The following ADNP variants were observed in gnomAD, a reference collection of about 807,000 sequenced individuals.
The protein encoded by ADNP is activity-dependent neuroprotector homeobox protein.
Under a neutral mutation model 84.9 loss-of-function variants are expected in ADNP, and 4 were observed. That is an observed-to-expected ratio of 0.05 (90% CI 0.02 to 0.11). The LOEUF is 0.11. Among genes scored for constraint, ADNP ranks in the 10% least tolerant of loss-of-function variants. The pLI, the probability that ADNP is intolerant of heterozygous loss-of-function variation, is 1.00. For missense variants in ADNP, 1,132 were observed against 1,326.0 expected, an observed-to-expected ratio of 0.85 and a Z score of 2.27; for synonymous variants, 554 against 468.1, an observed-to-expected ratio of 1.18 and a Z score of -2.37.
chr20:50,901,075 C>A (rs962161587), intron 5 of ADNP, among the ~76,000 whole-genome samples: 1 of 152,012 alleles, frequency 6.6e-6, no homozygotes, highest in Non-Finnish European at 1.5e-5. Flanking sequence ...GCAGTCAGTC[C>A]TTTGATGAAG....
Position 50,917,074 on chromosome 20 carries a change from T to C in ADNP, c.-90+11577A>G, listed in dbSNP as rs566347438. On this transcript the variant is annotated intron_variant, in intron 2 of 5. Coordinates refer to ENST00000621696, the MANE Select transcript of ADNP (RefSeq NM_001282531.3). ...CTGAGGTGAAGCAACTGCTTGCCCA[T>C]GAGCGAGCTGGGTCTTGAAGCCACC... Among the ~76,000 whole-genome samples, 4 of 152,312 alleles carry C rather than the reference T, an allele frequency of 2.6e-5. No individual in the cohort carries two copies. In the East Asian group the frequency reaches 7.7e-4, roughly 29 times the overall value.
intron 5 of ADNP, among the ~76,000 whole-genome samples, chr20:50,900,703 T>C (rs1258660258): frequency 1.3e-5 from 2 of 152,202 alleles, no homozygotes; most frequent in African/African-American, 2.4e-5. Context: ...AATTAGACAA[T>C]TACAAGAGAT....
intron 2 of ADNP, among the ~76,000 whole-genome samples, chr20:50,917,787 A>G (rs1038756914): frequency 2.0e-5 from 3 of 152,256 alleles, no homozygotes; most frequent in African/African-American, 7.2e-5. Flanking sequence ...AGTATTATTC[A>G]TAATACCCCC....
chr20:50,893,858 TTGG>T lies in ADNP; in HGVS notation c.853_855del (p.Pro285del), dbSNP rs1212724885. ...TTTCCAGAAGCAAGGGAACCGATCCTTGGTGGGAGTCCCATGCTCTTCTTGTCT... is the reference window on the plus strand; with the variant it reads ...TTTCCAGAAGCAAGGGAACCGATCCTTGGGAGTCCCATGCTCTTCTTGTCT... On this transcript the variant is annotated inframe_deletion, in exon 6 of 6. Transcript: ENST00000621696. The surrounding 1 kb of genome is among the most constrained non-coding windows in gnomAD (Gnocchi z 4.4). 6.2e-7 allele frequency: 1 copy of T among 1,614,210 alleles called. No homozygotes were observed. The highest frequency in any genetic ancestry group is 8.5e-7 in the Non-Finnish European group (1 of 1,180,030).
chr20:50,903,435 C>T (rs926987111), intron 4 of ADNP, among the ~76,000 whole-genome samples: 7 of 152,152 alleles, frequency 4.6e-5, no homozygotes, highest in Admixed American at 6.5e-5. Flanking sequence ...CACACAAGCA[C>T]GCCTCAACAA....
At chr20:50,894,876 G>A (rs60939757) in intron 5 of ADNP, among the ~76,000 whole-genome samples, 6,719 of 152,140 alleles carry the variant, frequency 0.044, 508 homozygotes, top group African/African-American at 0.15. Context: ...CAGCCTGGGC[G>A]ACAAGAGCGA....
At chr20:50,922,384 A>T (rs2870024) in intron 2 of ADNP, among the ~76,000 whole-genome samples, 13,774 of 151,956 alleles carry the variant, frequency 0.091, 683 homozygotes, top group Middle Eastern at 0.13. Context: ...GGTTCCCAAG[A>T]CCCCCTCCTT....
At chr20:50,906,936 G>A (rs1982532125) in intron 2 of ADNP, among the ~76,000 whole-genome samples, 1 of 139,874 alleles carries the variant, frequency 7.1e-6, no homozygotes, top group Admixed American at 7.1e-5. Flanking sequence ...GGAGAAATCT[G>A]TATTTTTTTT....
rs1409209922 is a variant in ADNP at position 50,890,233 on chromosome 20, C to CACAAGTTTCCTCTGTGACTGTGGCTG, written c.*1146_*1171dup. The CACAAGTTTCCTCTGTGACTGTGGCTG allele has an allele frequency of 2.3e-4, 47 of 206,980 alleles. No individual in the cohort carries two copies. Among genetic ancestry groups the CACAAGTTTCCTCTGTGACTGTGGCTG allele is most frequent in the East Asian group, 1.0e-3 (11 of 10,512 alleles). 12.8% of individuals were successfully genotyped at this position (206,980 alleles called of 1,614,324 possible). ...TGCAGATGACAGATCTTGGGTTTTCCACAAGTTTCCTCTGTGACTGTGGCT... is the reference window on the plus strand; with the variant it reads ...TGCAGATGACAGATCTTGGGTTTTCCACAAGTTTCCTCTGTGACTGTGGCTGACAAGTTTCCTCTGTGACTGTGGCT... On this transcript the variant is annotated 3_prime_UTR_variant, in exon 6 of 6. Transcript: ENST00000621696.
In ADNP at chr20:50,893,169, T is replaced by A; in HGVS notation, c.1545A>T (p.Pro515=). ...NHMLIHGLSC[P]YCRSTFNDVE... ...CATCATTGAAAGTTGAACGGCAATA[T>A]GGACAAGACAGACCATGAATTAACA... The change falls in exon 6 of 6, where the codon CCA becomes CCT. Residue 515 remains proline (P), a synonymous_variant. Transcript: ENST00000621696. The surrounding 1 kb of genome is among the most constrained non-coding windows in gnomAD (Gnocchi z 4.4). 1 of 1,614,264 alleles carries A rather than the reference T, an allele frequency of 6.2e-7. No individual in the cohort carries two copies. Among genetic ancestry groups the A allele is most frequent in the Non-Finnish European group, 8.5e-7 (1 of 1,180,048 alleles).
At chr20:50,925,438 C>T (rs568269327) in intron 2 of ADNP, among the ~76,000 whole-genome samples, 1 of 152,172 alleles carries the variant, frequency 6.6e-6, no homozygotes, top group Admixed American at 6.5e-5. Flanking sequence ...CATAACATAA[C>T]GCAGGTGTAG....
At chr20:50,918,730 T>C (rs1218878892) in intron 2 of ADNP, among the ~76,000 whole-genome samples, 1 of 152,214 alleles carries the variant, frequency 6.6e-6, no homozygotes, top group African/African-American at 2.4e-5. Context: ...TGTTAAAATT[T>C]CAAATTACCT....
intron 5 of ADNP, 110 bp downstream of exon 5, chr20:50,901,907 T>C (rs1982023912): frequency 2.4e-6 from 2 of 846,172 alleles, no homozygotes; most frequent in South Asian, 1.5e-5. Flanking sequence ...TTTGACACTT[T>C]CGATGTTTGG....
At position 50,892,122 on chromosome 20, in the gene ADNP, T is replaced by G. The variant is rs1313502164; in HGVS notation, c.2592A>C (p.Lys864Asn). Residue 864 changes from lysine (K) to asparagine (N), a missense_variant, in exon 6 of 6, where the codon AAA becomes AAC. Coordinates refer to ENST00000621696, the MANE Select transcript of ADNP (RefSeq NM_001282531.3). ...SRVNASKTAD[K>N]KLNLGKEDDS... Reference sequence around the variant, plus strand: ...CATCTTCCTTCCCAAGGTTGAGCTTTTTGTCAGCAGTCTTACTAGCATTGA... The same window carrying G: ...CATCTTCCTTCCCAAGGTTGAGCTTGTTGTCAGCAGTCTTACTAGCATTGA... The G allele has an allele frequency of 1.2e-6, 2 of 1,614,180 alleles. No homozygotes were observed. The highest frequency in any genetic ancestry group is 2.7e-5 in the African/African-American group (2 of 75,044).
At chr20:50,902,683 TAA>T (rs770392108) in intron 4 of ADNP, among the ~76,000 whole-genome samples, 29 of 152,290 alleles carry the variant, frequency 1.9e-4, no homozygotes, top group Admixed American at 1.0e-3. Context: ...CTAGGAAGAT[TAA>T]AAGTCTTAGG....
intron 5 of ADNP, among the ~76,000 whole-genome samples, chr20:50,900,125 G>T (rs1600948664): frequency 6.6e-6 from 1 of 152,030 alleles, no homozygotes; most frequent in Non-Finnish European, 1.5e-5. Context: ...TTCCAGTCCC[G>T]CAAGTGCCCA....
At chr20:50,898,788 GGCT>G (rs1343130590) in intron 5 of ADNP, among the ~76,000 whole-genome samples, 6 of 152,136 alleles carry the variant, frequency 3.9e-5, no homozygotes, top group Middle Eastern at 3.2e-3. Flanking sequence ...AGCTGTATGA[GGCT>G]GCTACCAGTT....
chr20:50,900,865 A>G (rs1187785583), intron 5 of ADNP, among the ~76,000 whole-genome samples: 2 of 152,244 alleles, frequency 1.3e-5, no homozygotes, highest in African/African-American at 2.4e-5. Flanking sequence ...GCTTTCTTCT[A>G]TAAGCCTTGC....
intron 2 of ADNP, 92 bp from the exon 3 acceptor site, chr20:50,904,941 C>T (rs1194467319): frequency 2.0e-5 from 3 of 152,086 alleles, no homozygotes; most frequent in African/African-American, 4.8e-5. Context: ...ATATGTGACT[C>T]GACCAATGCA....
Sources: gnomAD v4.1 joint callset for allele counts (sites outside exome capture counted in the v4.1 genomes callset) on GRCh38, gnomAD v4.1.1 for gene constraint, Gnocchi (gnomAD v3.1) non-coding constraint, MANE v1.5 for transcripts, NCBI Gene and HGNC (gene_info 2026-07-23, HGNC 2026-07-21) for gene names.